The following SLC44A5 variants were observed in gnomAD, a reference collection of about 807,000 sequenced individuals.
SLC44A5 encodes choline transporter-like protein 5.
A neutral mutation model predicts 101.8 loss-of-function variants in SLC44A5; 57 were observed. That is an observed-to-expected ratio of 0.56 (90% CI 0.45 to 0.70). SLC44A5 has a LOEUF of 0.70. SLC44A5 is among the 30% of genes least tolerant of loss of function. The pLI, the probability that SLC44A5 is intolerant of heterozygous loss-of-function variation, is 0.00. For synonymous variants in SLC44A5, 281 were observed against 290.9 expected, an observed-to-expected ratio of 0.97 and a Z score of 0.35; for missense variants, 737 against 853.1, an observed-to-expected ratio of 0.86 and a Z score of 1.70.
intron 1 of SLC44A5, among the ~76,000 whole-genome samples, chr1:75,562,062 C>CT (rs1672549282): frequency 1.3e-5 from 2 of 151,892 alleles, no homozygotes. Flanking sequence ...CACATGTATA[C>CT]TTATGTAACA....
intron 1 of SLC44A5, among the ~76,000 whole-genome samples, chr1:75,544,618 A>C (rs1289624851): frequency 6.6e-6 from 1 of 152,210 alleles, no homozygotes; most frequent in Non-Finnish European, 1.5e-5. Context: ...CCAATAAAGA[A>C]TGTTCTCATA....
chr1:75,557,031 C>G lies in SLC44A5; in HGVS notation c.-69-15515G>C, dbSNP rs372348636. The stretch of plus-strand genomic sequence containing the variant: ...ACCCAGCAGGCTTTTGCCTATTTGT[C>G]ATTGGCCAGAACTGTGTTACATGGT... On this transcript the variant is annotated intron_variant, in intron 1 of 23. Coordinates refer to ENST00000370859, the MANE Select transcript of SLC44A5 (RefSeq NM_001130058.2). Among the ~76,000 whole-genome samples, 5 of 152,098 alleles carry G rather than the reference C, an allele frequency of 3.3e-5. No individual in the cohort carries two copies. In the East Asian group the frequency reaches 7.7e-4, roughly 23 times the overall value.
the SLC44A5 span, among the ~76,000 whole-genome samples, chr1:75,702,821 CA>C: frequency 6.6e-6 from 1 of 152,004 alleles, no homozygotes; most frequent in East Asian, 1.9e-4. Flanking sequence ...GAGAAAAAAA[CA>C]AACAACCCCA....
At chr1:75,677,395 T>C in the SLC44A5 span, among the ~76,000 whole-genome samples, 2 of 152,302 alleles carry the variant, frequency 1.3e-5, no homozygotes, top group African/African-American at 4.8e-5. Flanking sequence ...AAGCAATCAG[T>C]GATAAGTTGT....
At chr1:75,291,742 T>C (rs989285451) in intron 5 of SLC44A5, among the ~76,000 whole-genome samples, 1 of 152,074 alleles carries the variant, frequency 6.6e-6, no homozygotes, top group Non-Finnish European at 1.5e-5. Flanking sequence ...CCGGGCACGT[T>C]GGCTCACACC....
chr1:75,259,406 G>T (rs1015491056), intron 6 of SLC44A5, among the ~76,000 whole-genome samples: 1 of 152,060 alleles, frequency 6.6e-6, no homozygotes, highest in Non-Finnish European at 1.5e-5. Context: ...TAGCAGAATC[G>T]ATCAAGTGGA....
At chr1:75,293,363 T>C (rs536900821) in intron 5 of SLC44A5, among the ~76,000 whole-genome samples, 22 of 152,320 alleles carry the variant, frequency 1.4e-4, no homozygotes, top group Middle Eastern at 3.4e-3. Context: ...AAAATGTGAT[T>C]AGACCAACTG....
intron 2 of SLC44A5, among the ~76,000 whole-genome samples, chr1:75,439,409 T>A (rs1196257736): frequency 6.6e-6 from 1 of 152,056 alleles, no homozygotes; most frequent in Admixed American, 6.6e-5. Flanking sequence ...ATTAAAAACA[T>A]TATTGTTGAT....
At chr1:75,691,785 T>C in the SLC44A5 span, among the ~76,000 whole-genome samples, 1 of 152,204 alleles carries the variant, frequency 6.6e-6, no homozygotes, top group African/African-American at 2.4e-5. Context: ...TTCATGTCTT[T>C]ACATGGCAGA....
At chr1:75,227,907 TAGG>T in intron 12 of SLC44A5, 50 bp from the exon 13 acceptor site, 1 of 1,466,822 alleles carries the variant, frequency 6.8e-7, no homozygotes, top group African/African-American at 1.4e-5. Flanking sequence ...TTTTCTGAAA[TAGG>T]AGCTATATGT....
At chr1:75,320,850 C>A (rs1656085516) in intron 4 of SLC44A5, among the ~76,000 whole-genome samples, 1 of 152,042 alleles carries the variant, frequency 6.6e-6, no homozygotes, top group Non-Finnish European at 1.5e-5. Context: ...ATTCATAAAG[C>A]CCTTAAGAGC....
the SLC44A5 span, among the ~76,000 whole-genome samples, chr1:75,653,803 T>G: frequency 6.6e-6 from 1 of 152,318 alleles, no homozygotes; most frequent in South Asian, 2.1e-4. Context: ...GAAGGCAACT[T>G]GGTGGTGCCT....
the SLC44A5 span, among the ~76,000 whole-genome samples, chr1:75,676,366 G>A: frequency 6.6e-6 from 1 of 152,138 alleles, no homozygotes; most frequent in South Asian, 2.1e-4. Flanking sequence ...CTATGCAGAT[G>A]CAGCCATAAA....
intron 4 of SLC44A5, among the ~76,000 whole-genome samples, chr1:75,313,729 G>C (rs1655480452): frequency 6.6e-6 from 1 of 152,034 alleles, no homozygotes; most frequent in African/African-American, 2.4e-5. Context: ...AACCAAGATA[G>C]AAATAAGCTG....
the SLC44A5 span, among the ~76,000 whole-genome samples, chr1:75,632,569 C>A: frequency 6.6e-6 from 1 of 151,516 alleles, no homozygotes; most frequent in African/African-American, 2.4e-5. Context: ...AGAAACTGCA[C>A]CTTTTAAAAT....
At chr1:75,210,140 G>T (rs377388186) in intron 23 of SLC44A5, among the ~76,000 whole-genome samples, 2 of 151,756 alleles carry the variant, frequency 1.3e-5, no homozygotes, top group East Asian at 1.9e-4. Flanking sequence ...TTGAACTCCT[G>T]GGCCCAGGTG....
At chr1:75,720,595 C>G in the SLC44A5 span, among the ~76,000 whole-genome samples, 1 of 138,924 alleles carries the variant, frequency 7.2e-6, no homozygotes, top group Admixed American at 7.0e-5. Context: ...AAAGAACTGT[C>G]TGTCAATAAT....
chr1:75,713,008 A>C, the SLC44A5 span, among the ~76,000 whole-genome samples: 16 of 152,280 alleles, frequency 1.1e-4, no homozygotes, highest in Admixed American at 8.5e-4. Context: ...CACGATGACA[A>C]CCTAGACCTT....
chr1:75,627,751 TGAA>T, the SLC44A5 span, among the ~76,000 whole-genome samples: 1 of 151,798 alleles, frequency 6.6e-6, no homozygotes, highest in Non-Finnish European at 1.5e-5. Flanking sequence ...ACTTTTTAAT[TGAA>T]GAGCTGTTAA....
Sources: gnomAD v4.1 joint callset for allele counts (sites outside exome capture counted in the v4.1 genomes callset) on GRCh38, gnomAD v4.1.1 for gene constraint, MANE v1.5 for transcripts, NCBI Gene and HGNC (gene_info 2026-07-23, HGNC 2026-07-21) for gene names.